Variants in SP110 observed in about 807,000 individuals in gnomAD.
SP110 encodes the protein interferon-induced protein 41, 30kD.
Under a neutral mutation model 92.7 loss-of-function variants are expected in SP110, and 62 were observed. That is an observed-to-expected ratio of 0.67 (90% confidence interval 0.55 to 0.83). The LOEUF is 0.83. Among genes scored for constraint, SP110 ranks in the 40% least tolerant of loss-of-function variants. The pLI is 0.00. For synonymous variants in SP110, 273 were observed against 305.3 expected (o/e 0.89, Z 1.10); for missense variants, 793 against 863.9 (o/e 0.92, Z 1.03).
Position 230,172,936 on chromosome 2 carries a change from C to T in SP110, c.1614G>A (p.Glu538=), listed in dbSNP as rs2078487409. 6.2e-7 allele frequency: 1 copy of T among 1,614,016 alleles called. No individual in the cohort carries two copies. The change falls in exon 15 of 19, where the codon GAG becomes GAA. Residue 538 remains glutamate, a synonymous_variant. Coordinates refer to ENST00000258381, the MANE Select transcript of SP110 (RefSeq NM_080424.4). ...GAAGTTGTCCCCCTTGACAGCACACCTCGCATTCATCCGAGTTTTTCCGCT... is the reference window on the plus strand; with the variant it reads ...GAAGTTGTCCCCCTTGACAGCACACTTCGCATTCATCCGAGTTTTTCCGCT... ...LLKRKNSDEC[E]VCCQGGQLLC... is the part of the protein sequence containing the mutation.
At chr2:230,175,942 A>ATTTTTTTT (rs769329922) in intron 14 of SP110, among the ~76,000 whole-genome samples, 5 of 97,532 alleles carry the variant, frequency 5.1e-5, no homozygotes, top group Admixed American at 9.6e-5. Context: ...ATGCTGCAGC[A>ATTTTTTTT]TTCTTTTTTT....
chr2:230,213,105 C>G lies in SP110; in HGVS notation c.317-78G>C, dbSNP rs1004154790. 7 of 1,411,414 alleles carry G rather than the reference C, an allele frequency of 5.0e-6. No individual in the cohort carries two copies. The Admixed American group carries it at 1.2e-4, about 24-fold the overall frequency. The allele number at this position is 1,411,414 out of a possible 1,614,324, so 87.4% of individuals were successfully genotyped here. A position where few individuals can be genotyped will look rare whatever the true frequency, so the allele number is the denominator to read the frequency against. ...GGGGAAGGGGATTTCTTAATACATGCCTTCCAATAGGATGGGGGCATGGAG... is the reference window on the plus strand; with the variant it reads ...GGGGAAGGGGATTTCTTAATACATGGCTTCCAATAGGATGGGGGCATGGAG... On this transcript the variant is annotated intron_variant, in intron 3 of 18. Coordinates refer to ENST00000258381, the MANE Select transcript of SP110 (RefSeq NM_080424.4).
At chr2:230,179,443 T>C (rs1250374868) in intron 12 of SP110, among the ~76,000 whole-genome samples, 1 of 116,412 alleles carries the variant, frequency 8.6e-6, no homozygotes, top group Non-Finnish European at 1.6e-5. Flanking sequence ...TCAGTAAATA[T>C]GGAACAGCAG....
At chr2:230,219,677 G>A (rs996845694) in intron 1 of SP110, 197 bp downstream of exon 1, 1 of 152,998 alleles carries the variant, frequency 6.5e-6, no homozygotes, top group Non-Finnish European at 1.5e-5. Context: ...CTGGACTCTG[G>A]CGAAAAAAAG....
At chr2:230,205,957 A>G (rs747155660) in intron 8 of SP110, among the ~76,000 whole-genome samples, 5 of 152,216 alleles carry the variant, frequency 3.3e-5, no homozygotes, top group Admixed American at 2.6e-4. Flanking sequence ...GAGAATACAC[A>G]TAACATGGTG....
chr2:230,172,667 G>A, intron 15 of SP110, 177 bp downstream of exon 15: 2 of 608,020 alleles, frequency 3.3e-6, no homozygotes, highest in South Asian at 3.8e-5. Context: ...CACTTCCAGG[G>A]GCAGAAGCAG....
At chr2:230,221,591 G>A (rs893470415), upstream of SP110, 16 of 1,035,756 alleles carry the variant, frequency 1.5e-5, no homozygotes, top group Middle Eastern at 4.9e-4. Flanking sequence ...GCTAACAGCT[G>A]AGGAGAGGGT....
Position 230,200,870 on chromosome 2 carries a change from A to G in SP110, c.1129+15T>C, listed in dbSNP as rs1425491565. 1.9e-6 allele frequency: 3 copies of G among 1,584,680 alleles called. No homozygotes were observed. The highest frequency in any genetic ancestry group is 1.7e-6 in the Non-Finnish European group (2 of 1,153,490). On this transcript the variant is annotated intron_variant, in intron 10 of 18. Transcript: ENST00000258381. ...TGGTGACTGTACTCTGAGACCAGCAATCTCCAAGTTTTACCTTGTGTGACC... is the reference window on the plus strand; with the variant it reads ...TGGTGACTGTACTCTGAGACCAGCAGTCTCCAAGTTTTACCTTGTGTGACC...
intron 2 of SP110, 114 bp from the exon 3 acceptor site, chr2:230,215,232 C>G (rs538684827): frequency 5.8e-6 from 5 of 854,824 alleles, no homozygotes; most frequent in Non-Finnish European, 9.4e-6. Flanking sequence ...AGAAGAAATT[C>G]AACATAAAAT....
chr2:230,196,788 C>T (rs1208755013), intron 10 of SP110, among the ~76,000 whole-genome samples: 1 of 151,554 alleles, frequency 6.6e-6, no homozygotes, highest in Non-Finnish European at 1.5e-5. Context: ...TGAGAACATG[C>T]AGTGTTTGGT....
chr2:230,176,807 A>ATG, intron 14 of SP110: 3 of 1,397,342 alleles, frequency 2.1e-6, no homozygotes, highest in Non-Finnish European at 3.0e-6. Context: ...TTCCTAGTGA[A>ATG]TGTCTGTACC....
At chr2:230,180,114 A>G (rs2042063443) in intron 12 of SP110, among the ~76,000 whole-genome samples, 1 of 152,292 alleles carries the variant, frequency 6.6e-6, no homozygotes, top group Non-Finnish European at 1.5e-5. Flanking sequence ...GAGCTGCAGC[A>G]GCGGTGAGTT....
Position 230,212,869 on chromosome 2 carries a change from G to T in SP110, c.475C>A (p.Pro159Thr). The change falls in exon 4 of 19, where the codon CCT (proline) becomes ACT (threonine). Residue 159 changes from proline to threonine, a missense_variant. Coordinates refer to ENST00000258381, the MANE Select transcript of SP110 (RefSeq NM_080424.4). ...CSPCAPRVSEPGTSSQQSDEI... is the reference protein window; with the variant it reads ...CSPCAPRVSETGTSSQQSDEI... ...TCGCTTTGCTGGGAGGATGTTCCAGGCTCACTGACTCTTGGCGCACAGGGT... is the reference window on the plus strand; with the variant it reads ...TCGCTTTGCTGGGAGGATGTTCCAGTCTCACTGACTCTTGGCGCACAGGGT... 1 of 1,614,116 alleles carries T rather than the reference G, an allele frequency of 6.2e-7. No homozygotes were observed. The highest frequency in any genetic ancestry group is 8.5e-7 in the Non-Finnish European group (1 of 1,180,008).
intron 11 of SP110, among the ~76,000 whole-genome samples, chr2:230,185,296 A>G (rs2148744874): frequency 6.6e-6 from 1 of 152,332 alleles, no homozygotes; most frequent in South Asian, 2.1e-4. Context: ...GGCATTCCTG[A>G]GTCCACAGGC....
At chr2:230,212,505 T>G (rs931421213) in intron 4 of SP110, 75 bp from the exon 5 acceptor site, 8 of 1,252,392 alleles carry the variant, frequency 6.4e-6, no homozygotes, top group Non-Finnish European at 9.4e-6. Flanking sequence ...TAAAAGTGCC[T>G]GGGGCAGATA....
upstream of SP110, chr2:230,221,682 T>G: frequency 6.5e-7 from 1 of 1,535,476 alleles, no homozygotes; most frequent in Non-Finnish European, 8.7e-7. Flanking sequence ...GGTTATTTTA[T>G]GCAAATGTCA....
chr2:230,188,288 A>G (rs1268420172), intron 10 of SP110, among the ~76,000 whole-genome samples: 3 of 152,090 alleles, frequency 2.0e-5, no homozygotes, highest in African/African-American at 7.2e-5. Context: ...TTTGATTCTC[A>G]GCTTGGTCAC....
At chr2:230,206,543 C>CAT (rs1465923977) in intron 8 of SP110, among the ~76,000 whole-genome samples, 15 of 137,098 alleles carry the variant, frequency 1.1e-4, no homozygotes, top group African/African-American at 4.0e-4. Context: ...ATTGATAACT[C>CAT]ATATATATAC....
At chr2:230,169,617 C>G (rs574702793) in intron 18 of SP110, among the ~76,000 whole-genome samples, 4 of 152,120 alleles carry the variant, frequency 2.6e-5, no homozygotes, top group African/African-American at 7.2e-5. Context: ...GTCACCATGC[C>G]CAGCCTCACT....
Sources: gnomAD v4.1 joint callset for allele counts (sites outside exome capture counted in the v4.1 genomes callset) on GRCh38, gnomAD v4.1.1 for gene constraint, MANE v1.5 for transcripts, NCBI Gene and HGNC (gene_info 2026-07-23, HGNC 2026-07-21) for gene names.